CDH12: variants seen among roughly 807,000 people sequenced by gnomAD.
CDH12 encodes the protein cadherin-12.
A neutral mutation model predicts 74.1 loss-of-function variants in CDH12; 41 were observed. That is an observed-to-expected ratio of 0.55 (90% CI 0.43 to 0.72). The LOEUF (loss-of-function observed/expected upper bound fraction) is 0.72. CDH12 is among the 30% of genes least tolerant of loss of function. CDH12 has a pLI of 0.00. For synonymous variants in CDH12, 399 were observed against 355.0 expected (o/e 1.12, Z -1.39); for missense variants, 945 against 977.2 (o/e 0.97, Z 0.44).
chr5:22,164,370 C>G (rs192631831), intron 4 of CDH12, among the ~76,000 whole-genome samples: 182 of 152,302 alleles, frequency 1.2e-3, no homozygotes, highest in Middle Eastern at 6.8e-3. Flanking sequence ...TGTGCAGGAA[C>G]AATGGCAAGA....
chr5:22,329,272 AG>A (rs746855702), intron 3 of CDH12, among the ~76,000 whole-genome samples: 1 of 152,224 alleles, frequency 6.6e-6, no homozygotes, highest in African/African-American at 2.4e-5. Context: ...GGATTCACAG[AG>A]AAGCTGAAAA....
intron 5 of CDH12, among the ~76,000 whole-genome samples, chr5:22,047,779 C>T (rs562696209): frequency 5.3e-5 from 8 of 152,240 alleles, no homozygotes; most frequent in African/African-American, 1.9e-4. Flanking sequence ...CCCAACATAC[C>T]TAAAATTACT....
chr5:22,252,284 T>C, intron 3 of CDH12, among the ~76,000 whole-genome samples: 1 of 152,022 alleles, frequency 6.6e-6, no homozygotes, highest in East Asian at 1.9e-4. Context: ...AAAAATAGAA[T>C]GGGACACATA....
chr5:21,891,822 G>A (rs1372164515), intron 6 of CDH12, among the ~76,000 whole-genome samples: 1 of 151,846 alleles, frequency 6.6e-6, no homozygotes, highest in African/African-American at 2.4e-5. Flanking sequence ...TTGAAACAAG[G>A]GCCAAGTTTG....
At chr5:22,517,010 A>G (rs1019623453) in intron 1 of CDH12, among the ~76,000 whole-genome samples, 1 of 152,122 alleles carries the variant, frequency 6.6e-6, no homozygotes, top group Non-Finnish European at 1.5e-5. Context: ...TGTTGTTTTC[A>G]TTATTGAATT....
chr5:22,245,693 T>C (rs1238519272), intron 3 of CDH12, among the ~76,000 whole-genome samples: 1 of 151,862 alleles, frequency 6.6e-6, no homozygotes, highest in Admixed American at 6.6e-5. Flanking sequence ...CTGTAGTTCA[T>C]ACATATATAT....
intron 2 of CDH12, among the ~76,000 whole-genome samples, chr5:22,406,302 A>G (rs1042140931): frequency 3.3e-5 from 5 of 152,200 alleles, no homozygotes; most frequent in African/African-American, 1.2e-4. Flanking sequence ...CTGAACTGCA[A>G]TGACGAGAGT....
At chr5:22,406,177 C>CT (rs1297197768) in intron 2 of CDH12, among the ~76,000 whole-genome samples, 1 of 152,208 alleles carries the variant, frequency 6.6e-6, no homozygotes, top group Admixed American at 6.5e-5. Flanking sequence ...AACATACTCG[C>CT]TTTTTAACTT....
chr5:22,608,786 T>C (rs1737245874), intron 1 of CDH12, among the ~76,000 whole-genome samples: 3 of 152,138 alleles, frequency 2.0e-5, no homozygotes, highest in Admixed American at 2.0e-4. Flanking sequence ...ATAAGTGGCT[T>C]CCTCTTTATT....
intron 4 of CDH12, among the ~76,000 whole-genome samples, chr5:22,102,189 G>T (rs1295803623): frequency 6.6e-6 from 1 of 152,156 alleles, no homozygotes; most frequent in Non-Finnish European, 1.5e-5. Context: ...TATATGAAGT[G>T]TTTTAAAATC....
intron 1 of CDH12, among the ~76,000 whole-genome samples, chr5:22,754,569 CAAAAA>C (rs72233503): frequency 0.24 from 32,318 of 132,076 alleles, 3,889 homozygotes; most frequent in South Asian, 0.32. Context: ...GGAAAGCAGA[CAAAAA>C]AAAAAAAAAA....
intron 3 of CDH12, among the ~76,000 whole-genome samples, chr5:22,282,144 G>T (rs2150407499): frequency 6.6e-6 from 1 of 152,172 alleles, no homozygotes; most frequent in Non-Finnish European, 1.5e-5. Flanking sequence ...CAAGCAATGG[G>T]GAAAGGATTC....
rs111948940 is a variant in CDH12, at chr5:21,780,417, T to C, written c.1393+2941A>G. Among the ~76,000 whole-genome samples, 511 of 152,256 alleles carry C rather than the reference T, an allele frequency of 3.4e-3. 1 individual carries two copies. Among genetic ancestry groups the C allele is most frequent in the Non-Finnish European group, 5.9e-3 (404 of 68,014 alleles). ...TTATGAGTGTCTTCAATCCCATAATTGCTTTGATAACCCAAGGAGCCATTG... is the reference window on the plus strand; with the variant it reads ...TTATGAGTGTCTTCAATCCCATAATCGCTTTGATAACCCAAGGAGCCATTG... On this transcript the variant is annotated intron_variant, in intron 11 of 14. Coordinates refer to ENST00000382254, the MANE Select transcript of CDH12 (RefSeq NM_004061.5).
chr5:22,632,288 T>C (rs1738623466), intron 1 of CDH12, among the ~76,000 whole-genome samples: 1 of 152,192 alleles, frequency 6.6e-6, no homozygotes, highest in African/African-American at 2.4e-5. Flanking sequence ...TTTAAACCTC[T>C]TCTTTTTATA....
At chr5:21,819,615 G>C (rs936242585) in intron 8 of CDH12, among the ~76,000 whole-genome samples, 12 of 151,972 alleles carry the variant, frequency 7.9e-5, no homozygotes, top group Non-Finnish European at 1.8e-4. Context: ...ATAAAAGAGA[G>C]AAATGGAAGT....
intron 2 of CDH12, among the ~76,000 whole-genome samples, chr5:22,472,870 G>T (rs1580685176): frequency 6.6e-6 from 1 of 152,068 alleles, no homozygotes; most frequent in South Asian, 2.1e-4. Context: ...AGGAACCAGG[G>T]ACATCCTTTT....
At chr5:22,483,111 C>A (rs1746446643) in intron 2 of CDH12, among the ~76,000 whole-genome samples, 1 of 151,934 alleles carries the variant, frequency 6.6e-6, no homozygotes, top group Non-Finnish European at 1.5e-5. Context: ...TTTAATTGAT[C>A]AATGAAATTA....
chr5:22,261,912 T>C (rs1753529771), intron 3 of CDH12, among the ~76,000 whole-genome samples: 1 of 152,096 alleles, frequency 6.6e-6, no homozygotes, highest in South Asian at 2.1e-4. Flanking sequence ...CTCAGTTTTT[T>C]ACATAGACAA....
At chr5:22,635,499 A>G (rs1457775017) in intron 1 of CDH12, among the ~76,000 whole-genome samples, 1 of 152,254 alleles carries the variant, frequency 6.6e-6, no homozygotes, top group Non-Finnish European at 1.5e-5. Context: ...GGATTTCACC[A>G]ATGATAAAAC....
Sources: gnomAD v4.1 joint callset for allele counts (sites outside exome capture counted in the v4.1 genomes callset) on GRCh38, gnomAD v4.1.1 for gene constraint, MANE v1.5 for transcripts, NCBI Gene and HGNC (gene_info 2026-07-23, HGNC 2026-07-21) for gene names.